CACNA2D3: variants seen among roughly 807,000 people sequenced by gnomAD.
The protein encoded by CACNA2D3 is calcium voltage-gated channel auxiliary subunit alpha2delta 3, also known as voltage-dependent calcium channel subunit alpha-2/delta-3.
Under a neutral mutation model 160.6 loss-of-function variants are expected in CACNA2D3, and 60 were observed. That is an observed-to-expected ratio of 0.37 (90% CI 0.30 to 0.46). CACNA2D3 has a LOEUF of 0.46. Ranked by LOEUF, CACNA2D3 falls within the 20% of genes least tolerant of loss-of-function variation. The pLI is 1.00. For synonymous variants in CACNA2D3, 558 were observed against 492.9 expected (o/e 1.13, Z -1.75); for missense variants, 1,205 against 1,365.0 (o/e 0.88, Z 1.85).
chr3:54,229,890 G>T (rs1044034264), intron 2 of CACNA2D3, among the ~76,000 whole-genome samples: 2 of 152,124 alleles, frequency 1.3e-5, no homozygotes, highest in African/African-American at 4.8e-5. Flanking sequence ...ACACCTGCAG[G>T]TTACAGAGGG....
At chr3:54,479,529 C>T (rs192061183) in intron 4 of CACNA2D3, among the ~76,000 whole-genome samples, 22 of 152,258 alleles carry the variant, frequency 1.4e-4, no homozygotes, top group African/African-American at 4.8e-4. Context: ...CTTGTGTTGC[C>T]AGCCTTAACT....
At chr3:54,151,859 G>C (rs1700158027) in intron 2 of CACNA2D3, among the ~76,000 whole-genome samples, 1 of 152,140 alleles carries the variant, frequency 6.6e-6, no homozygotes, top group Non-Finnish European at 1.5e-5. Flanking sequence ...CCCCCAGGGA[G>C]AAACCCTGTT....
intron 29 of CACNA2D3, among the ~76,000 whole-genome samples, chr3:54,973,664 C>T (rs1264099480): frequency 6.6e-6 from 1 of 152,146 alleles, no homozygotes; most frequent in Admixed American, 6.5e-5. Context: ...CCACCTCAGC[C>T]AGAGGGTAGG....
chr3:54,699,282 G>A (rs1245194929), intron 11 of CACNA2D3, among the ~76,000 whole-genome samples: 2 of 152,182 alleles, frequency 1.3e-5, no homozygotes, highest in Non-Finnish European at 2.9e-5. Flanking sequence ...GACTGCATGG[G>A]ATGCTGGAGG....
chr3:55,004,965 C>T, intron 32 of CACNA2D3, 127 bp downstream of exon 32: 1 of 611,294 alleles, frequency 1.6e-6, no homozygotes, highest in East Asian at 3.0e-5. Context: ...TTTGACTTTA[C>T]TCACTTAAAA....
intron 5 of CACNA2D3, among the ~76,000 whole-genome samples, chr3:54,544,830 A>G (rs569894838): frequency 6.6e-6 from 1 of 152,336 alleles, no homozygotes; most frequent in East Asian, 1.9e-4. Context: ...AATTATGTAA[A>G]TGCTATTGAA....
In CACNA2D3 at chr3:54,145,688, C is replaced by T. The variant is rs1036422411; in HGVS notation, c.204+22094C>T. 7.2e-5 allele frequency among the ~76,000 whole-genome samples: 11 copies of T among 152,138 alleles called. No individual in the cohort carries two copies. The South Asian group carries it at 8.3e-4, about 11-fold the overall frequency. Reference sequence around the variant, plus strand: ...GTCATCCTCAGCACCCAGTGCAGGGCGCAGCATCCAGAGACTGCATGAAGT... The same window carrying T: ...GTCATCCTCAGCACCCAGTGCAGGGTGCAGCATCCAGAGACTGCATGAAGT... On this transcript the variant is annotated intron_variant, in intron 2 of 37. Coordinates refer to ENST00000474759, the MANE Select transcript of CACNA2D3 (RefSeq NM_018398.3).
chr3:54,209,192 G>C (rs982639833), intron 2 of CACNA2D3, among the ~76,000 whole-genome samples: 1 of 152,194 alleles, frequency 6.6e-6, no homozygotes, highest in Admixed American at 6.5e-5. Flanking sequence ...CAGTTCACTG[G>C]AACCAAGGAC....
intron 14 of CACNA2D3, among the ~76,000 whole-genome samples, chr3:54,822,433 TG>T (rs1359399978): frequency 7.2e-5 from 11 of 152,236 alleles, no homozygotes; most frequent in Non-Finnish European, 8.8e-5. Context: ...GCCATAGTTC[TG>T]TATGAGTGTG....
intron 2 of CACNA2D3, among the ~76,000 whole-genome samples, chr3:54,234,935 A>G (rs535724065): frequency 6.6e-6 from 1 of 152,316 alleles, no homozygotes; most frequent in South Asian, 2.1e-4. Flanking sequence ...GGGTGATGAA[A>G]TAATATGTAC....
In CACNA2D3 at chr3:54,996,720, A is replaced by G. The variant is rs3821654; in HGVS notation, c.2691-8043A>G. ...AGGAAGTACCCCTGAATGTGTCCAG[A>G]CTGGTACTAAGCCCTGGGAGGATGC... On this transcript the variant is annotated intron_variant, in intron 31 of 37. Coordinates refer to ENST00000474759, the MANE Select transcript of CACNA2D3 (RefSeq NM_018398.3). Among the ~76,000 whole-genome samples the G allele has an allele frequency of 2.3e-4, 35 of 152,308 alleles. No individual in the cohort carries two copies. In the East Asian group the frequency reaches 6.7e-3, roughly 29 times the overall value.
intron 5 of CACNA2D3, among the ~76,000 whole-genome samples, chr3:54,554,776 G>T (rs1207886717): frequency 6.6e-6 from 1 of 151,860 alleles, no homozygotes; most frequent in African/African-American, 2.4e-5. Flanking sequence ...CTGCTGTTCA[G>T]GTGCTACCCA....
At chr3:54,941,350 T>C (rs778405079) in intron 27 of CACNA2D3, among the ~76,000 whole-genome samples, 19 of 152,190 alleles carry the variant, frequency 1.2e-4, no homozygotes, top group Non-Finnish European at 2.4e-4. Context: ...AGAATCTCAG[T>C]TATGAAGTAA....
rs766989141 is a variant in CACNA2D3 at position 55,072,715 on chromosome 3, G to C, written c.2988-730G>C. Among the ~76,000 whole-genome samples, 270 of 152,274 alleles carry C rather than the reference G, an allele frequency of 1.8e-3. 2 individuals are homozygous for C. Among genetic ancestry groups the C allele is most frequent in the Non-Finnish European group, 1.8e-3 (125 of 68,010 alleles). On this transcript the variant is annotated intron_variant, in intron 35 of 37. Coordinates refer to ENST00000474759, the MANE Select transcript of CACNA2D3 (RefSeq NM_018398.3). The stretch of plus-strand genomic sequence containing the variant: ...AAAGAGTCAGTAGTGTTTTGTGTTT[G>C]TTAAAGGATTATTTTATAGTGTCTT...
At chr3:54,245,230 A>AAT (rs1360140871) in intron 2 of CACNA2D3, among the ~76,000 whole-genome samples, 34 of 152,046 alleles carry the variant, frequency 2.2e-4, no homozygotes, top group African/African-American at 7.5e-4. Flanking sequence ...TTTTTAAAAA[A>AAT]TTTAAATTTA....
chr3:54,698,021 C>T lies in CACNA2D3; in HGVS notation c.1168-54578C>T, dbSNP rs1464348. ...ACAAACAGAAAATAAGGTTTATTGCCGATATTTTTAGCTATTGTCATTTTT... is the reference window on the plus strand; with the variant it reads ...ACAAACAGAAAATAAGGTTTATTGCTGATATTTTTAGCTATTGTCATTTTT... On this transcript the variant is annotated intron_variant, in intron 11 of 37. Coordinates refer to ENST00000474759, the MANE Select transcript of CACNA2D3 (RefSeq NM_018398.3). Among the ~76,000 whole-genome samples the T allele has an allele frequency of 1.9e-3, 287 of 152,176 alleles. 9 individuals are homozygous for T. The East Asian group carries it at 0.044, about 23-fold the overall frequency.
intron 5 of CACNA2D3, among the ~76,000 whole-genome samples, chr3:54,514,883 T>A (rs936589007): frequency 6.6e-6 from 1 of 152,218 alleles, no homozygotes; most frequent in Non-Finnish European, 1.5e-5. Context: ...GGGTGATGCC[T>A]TGGAGAATCT....
At chr3:54,404,055 A>G (rs80123503) in intron 4 of CACNA2D3, among the ~76,000 whole-genome samples, 3,093 of 152,282 alleles carry the variant, frequency 0.02, 98 homozygotes, top group African/African-American at 0.071. Context: ...ATTATACTAC[A>G]TTTTCAAACA....
intron 5 of CACNA2D3, among the ~76,000 whole-genome samples, chr3:54,524,831 G>A (rs747590392): frequency 6.6e-6 from 1 of 151,958 alleles, no homozygotes; most frequent in Non-Finnish European, 1.5e-5. Context: ...AGAACAAGAA[G>A]GGTTGCTGTT....
Sources: gnomAD v4.1 joint callset for allele counts (sites outside exome capture counted in the v4.1 genomes callset) on GRCh38, gnomAD v4.1.1 for gene constraint, MANE v1.5 for transcripts, NCBI Gene and HGNC (gene_info 2026-07-23, HGNC 2026-07-21) for gene names.